Variants in CYP4F3 observed in about 807,000 individuals in gnomAD.
CYP4F3 encodes cytochrome P450 family 4 subfamily F member 3, also known as cytochrome P450 4F3.
CYP4F3 carries 50 observed loss-of-function variants against 54.8 expected under a neutral mutation model. The ratio of observed to expected loss-of-function variants is 0.91; its 90% CI spans 0.73 to 1.16. The LOEUF is 1.16. Among genes scored for constraint, CYP4F3 ranks in the 50% most tolerant of loss-of-function variants. The probability of loss-of-function intolerance (pLI) is 0.00; values close to 1 mark genes in which losing one functional copy is unlikely to be tolerated. For synonymous variants in CYP4F3, 244 were observed against 262.6 expected (o/e 0.93, Z 0.69); for missense variants, 715 against 676.2 (o/e 1.06, Z -0.64).
intron 7 of CYP4F3, 38 bp downstream of exon 7, chr19:15,650,221 G>C (rs1359824635): frequency 1.1e-5 from 17 of 1,614,160 alleles, no homozygotes; most frequent in Middle Eastern, 1.6e-4. Flanking sequence ...GAAGTAGAAG[G>C]GAGCTTCATG....
chr19:15,650,868 TTTTCTCTC>T (rs1972831437), intron 7 of CYP4F3, among the ~76,000 whole-genome samples: 1 of 43,046 alleles, frequency 2.3e-5, no homozygotes, highest in Non-Finnish European at 3.9e-5. Context: ...CTTTCTTTCT[TTTTCTCTC>T]TCTCTCTTTC....
chr19:15,661,505 G>A lies in CYP4F3; in HGVS notation c.*2120G>A, dbSNP rs1973183875. 6.6e-6 allele frequency: 1 copy of A among 152,046 alleles called. No individual in the cohort carries two copies. The highest frequency in any genetic ancestry group is 6.6e-5 in the Admixed American group (1 of 15,264). 9.4% of individuals were successfully genotyped at this position (152,046 alleles called of 1,614,324 possible). ...TAATTCGCATTTTCCAGTGACTAAGGGTGTTGAACCACTCGTGCCTTCCTG... is the reference window on the plus strand; with the variant it reads ...TAATTCGCATTTTCCAGTGACTAAGAGTGTTGAACCACTCGTGCCTTCCTG... On this transcript the variant is annotated 3_prime_UTR_variant, in exon 13 of 13. Coordinates refer to ENST00000221307, the MANE Select transcript of CYP4F3 (RefSeq NM_000896.3).
At chr19:15,650,741 CCT>C (rs1568398066) in intron 7 of CYP4F3, among the ~76,000 whole-genome samples, 2 of 51,396 alleles carry the variant, frequency 3.9e-5, no homozygotes, top group African/African-American at 1.1e-4. Flanking sequence ...TCTTTCTTTT[CCT>C]TCCTTCCATC....
chr19:15,645,609 T>G, intron 2 of CYP4F3, 110 bp from the exon 3 acceptor site: 259 of 1,407,326 alleles, frequency 1.8e-4, no homozygotes, highest in Non-Finnish European at 2.2e-4. Context: ...GAGAGGGAGA[T>G]GAGATGCTGC....
In CYP4F3 at chr19:15,658,713, G is replaced by T. The variant is rs1306223212; in HGVS notation, c.1315-14G>T. ...GAGACCCCACCCGGCAACCCTTCTTGGTCTCGCCTCCAGGTCTATGACCCC... is the reference window on the plus strand; with the variant it reads ...GAGACCCCACCCGGCAACCCTTCTTTGTCTCGCCTCCAGGTCTATGACCCC... On this transcript the variant is annotated splice_polypyrimidine_tract_variant and intron_variant, in intron 11 of 12. Transcript: ENST00000221307. 5.0e-6 allele frequency: 8 copies of T among 1,613,680 alleles called. No homozygotes were observed. Among genetic ancestry groups the T allele is most frequent in the Non-Finnish European group, 6.8e-6 (8 of 1,179,860 alleles).
chr19:15,650,322 T>C lies in CYP4F3; in HGVS notation c.918+139T>C, dbSNP rs776873230. 2.6e-6 allele frequency: 4 copies of C among 1,544,862 alleles called. No homozygotes were observed. In the Admixed American group the frequency reaches 5.6e-5, roughly 22 times the overall value. ...GAGGAAGGGAGGGACAGGTCAGAGA[T>C]AGGTTTTGGAGATAGCTCTGTGGAC... On this transcript the variant is annotated intron_variant, in intron 7 of 12. Transcript: ENST00000221307.
chr19:15,641,664 T>G, intron 2 of CYP4F3, 51 bp downstream of exon 2: 1 of 1,500,730 alleles, frequency 6.7e-7, no homozygotes, highest in Non-Finnish European at 9.1e-7. Flanking sequence ...ATGGACTTCC[T>G]GAGGGGTAAG....
At chr19:15,657,513 TC>T (rs1973058262) in intron 9 of CYP4F3, among the ~76,000 whole-genome samples, 1 of 152,190 alleles carries the variant, frequency 6.6e-6, no homozygotes, top group Non-Finnish European at 1.5e-5. Context: ...GGTCTCGAAC[TC>T]CTAACCTCAG....
chr19:15,643,932 G>A (rs768994094), intron 2 of CYP4F3: 5 of 1,601,448 alleles, frequency 3.1e-6, no homozygotes, highest in Non-Finnish European at 4.3e-6. Flanking sequence ...CAGGGCATGA[G>A]GGTCCTGACT....
intron 2 of CYP4F3, among the ~76,000 whole-genome samples, chr19:15,642,963 G>A (rs143476609): frequency 6.7e-4 from 102 of 151,222 alleles, no homozygotes; most frequent in African/African-American, 2.4e-3. Flanking sequence ...GATACATTAG[G>A]TGGATAGATA....
At chr19:15,650,736 C>CT (rs1442177646) in intron 7 of CYP4F3, among the ~76,000 whole-genome samples, 1 of 84,170 alleles carries the variant, frequency 1.2e-5, no homozygotes, top group African/African-American at 5.9e-5. Context: ...TTCTTTCTTT[C>CT]TTTTCCTTCC....
At chr19:15,650,718 T>TTTTCTC (rs201716059) in intron 7 of CYP4F3, among the ~76,000 whole-genome samples, 1 of 33,336 alleles carries the variant, frequency 3.0e-5, no homozygotes, top group Non-Finnish European at 5.8e-5. Context: ...CTTTCTTTCT[T>TTTTCTC]TCTTTCTTTC....
At chr19:15,653,928 G>C (rs1186864051) in intron 9 of CYP4F3, among the ~76,000 whole-genome samples, 1 of 145,068 alleles carries the variant, frequency 6.9e-6, no homozygotes, top group Non-Finnish European at 1.5e-5. Context: ...TAGCCCAAGG[G>C]CAATAGGGAG....
intron 9 of CYP4F3, among the ~76,000 whole-genome samples, chr19:15,653,926 G>A (rs4079700): frequency 6.8e-6 from 1 of 146,854 alleles, no homozygotes; most frequent in African/African-American, 2.6e-5. Context: ...TTTAGCCCAA[G>A]GGCAATAGGG....
At chr19:15,658,143 C>A (rs1177341777) in intron 9 of CYP4F3, 121 bp from the exon 10 acceptor site, 1 of 1,552,430 alleles carries the variant, frequency 6.4e-7, no homozygotes, top group Non-Finnish European at 8.7e-7. Flanking sequence ...GACTTTGTAA[C>A]AATTCTTTTA....
intron 11 of CYP4F3, 51 bp downstream of exon 11, chr19:15,658,606 G>A (rs370581360): frequency 1.8e-5 from 29 of 1,612,084 alleles, no homozygotes; most frequent in Non-Finnish European, 2.4e-5. Context: ...CCTAGAGGAG[G>A]GGGCAGGGTT....
chr19:15,645,657 G>A (rs927356765), intron 2 of CYP4F3, 62 bp from the exon 3 acceptor site: 37 of 1,525,708 alleles, frequency 2.4e-5, no homozygotes, highest in Middle Eastern at 2.1e-4. Flanking sequence ...CCTCTTCCCT[G>A]CAGATCCTTC....
chr19:15,641,575 C>T lies in CYP4F3; in HGVS notation c.160C>T (p.Pro54Ser), dbSNP rs746234899. 14 of 1,614,002 alleles carry T rather than the reference C, an allele frequency of 8.7e-6. No homozygotes were observed. Among genetic ancestry groups the T allele is most frequent in the Non-Finnish European group, 1.1e-5 (13 of 1,180,026 alleles). The part of the protein sequence containing the change: ...NCCRLRCFPQ[P>S]PKRNWFLGHL... The stretch of plus-strand genomic sequence containing the variant: ...CTGCCGCCTCCGGTGTTTCCCGCAA[C>T]CCCCGAAACGGAATTGGTTCTTGGG... Residue 54 changes from proline to serine, a missense_variant, in exon 2 of 13, where the codon CCC becomes TCC. Physicochemically the swap from Pro to Ser is moderately conservative, Grantham distance 74. Transcript: ENST00000221307.
chr19:15,644,875 G>A (rs2144636000), intron 2 of CYP4F3, among the ~76,000 whole-genome samples: 1 of 152,332 alleles, frequency 6.6e-6, no homozygotes, highest in African/African-American at 2.4e-5. Context: ...ACTCTGGGCT[G>A]GTTCCCAGCT....
Sources: allele counts gnomAD v4.1 joint callset (sites outside exome capture counted in the v4.1 genomes callset), GRCh38; gene constraint gnomAD v4.1.1; transcripts MANE v1.5; gene names NCBI Gene and HGNC (gene_info 2026-07-23, HGNC 2026-07-21).